The following USP12 variants were observed in gnomAD, a reference collection of about 807,000 sequenced individuals.
The protein encoded by USP12 is ubiquitin specific peptidase 12.
In USP12, 19 loss-of-function variants were observed where a neutral mutation model predicts 45.5. That is an observed-to-expected ratio of 0.42 (90% CI 0.29 to 0.61). USP12 has a LOEUF of 0.61. Among genes scored for constraint, USP12 ranks in the 20% least tolerant of loss-of-function variants. USP12 has a pLI of 0.22. For synonymous variants in USP12, 149 were observed against 148.8 expected (o/e 1.00, Z -0.01); for missense variants, 242 against 447.7 (o/e 0.54, Z 4.15).
chr13:27,150,162 A>T (rs930962566), intron 1 of USP12, among the ~76,000 whole-genome samples: 5 of 152,258 alleles, frequency 3.3e-5, no homozygotes, highest in Non-Finnish European at 7.3e-5. Context: ...CAATTTGATC[A>T]TTACACATTG....
chr13:27,157,276 A>G (rs990669700), intron 1 of USP12, among the ~76,000 whole-genome samples: 11 of 152,188 alleles, frequency 7.2e-5, no homozygotes, highest in Non-Finnish European at 1.0e-4. Context: ...TAAGTTTTAC[A>G]TACATTAAGC....
chr13:27,104,552 T>C (rs1227716694), intron 3 of USP12, among the ~76,000 whole-genome samples: 1 of 152,216 alleles, frequency 6.6e-6, no homozygotes, highest in Non-Finnish European at 1.5e-5. Context: ...ATAAAGTACA[T>C]ACGTTTAGCT....
At chr13:27,086,062 C>T (rs1233558445) in intron 6 of USP12, among the ~76,000 whole-genome samples, 1 of 150,674 alleles carries the variant, frequency 6.6e-6, no homozygotes, top group Non-Finnish European at 1.5e-5. Context: ...CCCAGCTACA[C>T]AGAAGGCTGA....
At chr13:27,118,160 C>T (rs898502419) in intron 1 of USP12, among the ~76,000 whole-genome samples, 2 of 151,628 alleles carry the variant, frequency 1.3e-5, no homozygotes, top group African/African-American at 2.4e-5. Flanking sequence ...GCTTCCTTTC[C>T]GCATGAGACT....
chr13:27,106,692 C>T (rs1448612901), intron 2 of USP12, among the ~76,000 whole-genome samples: 1 of 151,600 alleles, frequency 6.6e-6, no homozygotes, highest in Non-Finnish European at 1.5e-5. Flanking sequence ...AATGTATGTC[C>T]ATAGACCATT....
chr13:27,150,010 G>A (rs1877498012), intron 1 of USP12, among the ~76,000 whole-genome samples: 1 of 152,226 alleles, frequency 6.6e-6, no homozygotes, highest in South Asian at 2.1e-4. Context: ...AGGGGTTGGA[G>A]ATCCCTGTTC....
intron 1 of USP12, among the ~76,000 whole-genome samples, chr13:27,134,635 A>G (rs113092443): frequency 7.9e-5 from 12 of 152,274 alleles, no homozygotes; most frequent in African/African-American, 2.9e-4. Flanking sequence ...AAAAACCTCA[A>G]ATAAACAATT....
At chr13:27,162,387 A>G (rs1221650595) in intron 1 of USP12, among the ~76,000 whole-genome samples, 1 of 152,166 alleles carries the variant, frequency 6.6e-6, no homozygotes, top group African/African-American at 2.4e-5. Flanking sequence ...CCTGCAACAC[A>G]TTGCCCTGTA....
intron 1 of USP12, among the ~76,000 whole-genome samples, chr13:27,123,213 A>AGTCTG (rs1876080528): frequency 6.6e-6 from 1 of 152,200 alleles, no homozygotes; most frequent in Admixed American, 6.5e-5. Flanking sequence ...TACAGACTTG[A>AGTCTG]GTCTGGTCTT....
intron 1 of USP12, among the ~76,000 whole-genome samples, chr13:27,121,023 G>A (rs1252717103): frequency 6.6e-6 from 1 of 151,992 alleles, no homozygotes; most frequent in African/African-American, 2.4e-5. Flanking sequence ...TGAATGGAAC[G>A]GTATGCAGGA....
intron 1 of USP12, among the ~76,000 whole-genome samples, chr13:27,137,016 A>G (rs1688795241): frequency 6.6e-6 from 1 of 152,206 alleles, no homozygotes; most frequent in Non-Finnish European, 1.5e-5. Flanking sequence ...AAAACACTAG[A>G]TATGGTTAAA....
At chr13:27,135,271 GATAA>G (rs913180485) in intron 1 of USP12, among the ~76,000 whole-genome samples, 2 of 152,134 alleles carry the variant, frequency 1.3e-5, no homozygotes, top group African/African-American at 4.8e-5. Context: ...GCCTGTCTCA[GATAA>G]ATAAATAATC....
chr13:27,151,463 A>T (rs151059165), intron 1 of USP12, among the ~76,000 whole-genome samples: 6 of 152,230 alleles, frequency 3.9e-5, no homozygotes, highest in Middle Eastern at 3.4e-3. Context: ...CTAACAAGAA[A>T]CTTGTATCCA....
intron 8 of USP12, among the ~76,000 whole-genome samples, chr13:27,069,718 C>T (rs375222785): frequency 2.0e-5 from 3 of 152,316 alleles, no homozygotes; most frequent in South Asian, 2.1e-4. Flanking sequence ...GAGGCCAAGG[C>T]GGGCAGATCA....
At chr13:27,169,309 C>T (rs1188476260) in intron 1 of USP12, among the ~76,000 whole-genome samples, 1 of 152,150 alleles carries the variant, frequency 6.6e-6, no homozygotes, top group Non-Finnish European at 1.5e-5. Flanking sequence ...GGCACACACA[C>T]TCGCCAGACA....
intron 6 of USP12, among the ~76,000 whole-genome samples, chr13:27,085,515 T>C (rs1304142325): frequency 2.0e-5 from 3 of 152,156 alleles, no homozygotes; most frequent in Non-Finnish European, 4.4e-5. Flanking sequence ...CTAAGAACTA[T>C]GGTCTGTATA....
At chr13:27,094,454 A>ATATAATGAT (rs1874469399) in intron 4 of USP12, among the ~76,000 whole-genome samples, 7 of 152,118 alleles carry the variant, frequency 4.6e-5, no homozygotes, top group Admixed American at 1.3e-4. Context: ...ATGATCTATA[A>ATATAATGAT]CAGTGTCACT....
At chr13:27,146,229 C>G (rs1221983726) in intron 1 of USP12, among the ~76,000 whole-genome samples, 1 of 152,086 alleles carries the variant, frequency 6.6e-6, no homozygotes, top group Non-Finnish European at 1.5e-5. Flanking sequence ...TGGTGAAACC[C>G]TGTGTCTACT....
intron 6 of USP12, among the ~76,000 whole-genome samples, chr13:27,084,662 T>C (rs534405366): frequency 6.0e-4 from 91 of 152,338 alleles, no homozygotes; most frequent in Non-Finnish European, 1.0e-3. Context: ...TTTCCCACTA[T>C]GTATTCATTC....
Sources: allele counts gnomAD v4.1 joint callset (sites outside exome capture counted in the v4.1 genomes callset), GRCh38; gene constraint gnomAD v4.1.1; transcripts MANE v1.5; gene names NCBI Gene and HGNC (gene_info 2026-07-23, HGNC 2026-07-21).